Variants in CDKL3 observed in about 807,000 individuals in gnomAD.
The protein encoded by CDKL3 is cyclin-dependent kinase-like 3.
Under a neutral mutation model 69.3 loss-of-function variants are expected in CDKL3, and 65 were observed. The observed-to-expected ratio is 0.94, with a 90% CI of 0.77 to 1.15. The LOEUF is 1.15. Ranked by LOEUF, CDKL3 falls within the 50% of genes most tolerant of loss-of-function variation. The pLI is 0.00. For missense variants in CDKL3, 652 were observed against 689.2 expected, an observed-to-expected ratio of 0.95 and a Z score of 0.61; for synonymous variants, 202 against 221.6, an observed-to-expected ratio of 0.91 and a Z score of 0.79.
chr5:134,308,363 C>T lies in CDKL3; in HGVS notation c.1139G>A (p.Gly380Asp), dbSNP rs1768460555. 1.2e-6 allele frequency: 2 copies of T among 1,613,114 alleles called. No individual in the cohort carries two copies. The highest frequency in any genetic ancestry group is 1.7e-6 in the Non-Finnish European group (2 of 1,179,182). The change falls in exon 9 of 13, where the codon GGT (glycine) becomes GAT (aspartate). Residue 380 changes from glycine (G) to aspartate (D), a missense_variant. By Grantham distance (94) the Gly-to-Asp change is moderately conservative. Coordinates refer to ENST00000265334, the MANE Select transcript of CDKL3 (RefSeq NM_001113575.2). ...ATTTGCATCCTGTTGACCAAGTCCA[C>T]CTTCATACTCTTTCTTTTTTGGTTC... ...ISEPKKKEYEGGLGQQDANEN... is the reference protein window; with the variant it reads ...ISEPKKKEYEDGLGQQDANEN...
At chr5:134,306,223 G>A (rs961446562) in intron 10 of CDKL3, among the ~76,000 whole-genome samples, 5 of 152,074 alleles carry the variant, frequency 3.3e-5, no homozygotes, top group South Asian at 2.1e-4. Context: ...GGCTGGGTGC[G>A]TTGGCTCACA....
upstream of CDKL3, among the ~76,000 whole-genome samples, chr5:134,368,703 A>G (rs1757990878): frequency 2.0e-5 from 3 of 151,748 alleles, no homozygotes; most frequent in African/African-American, 7.3e-5. Flanking sequence ...AGTAAATCTT[A>G]TAGTGGGCTC....
chr5:134,366,650 G>T, intron 1 of CDKL3, 106 bp from the exon 2 acceptor site: 2 of 733,256 alleles, frequency 2.7e-6, no homozygotes, highest in Non-Finnish European at 4.2e-6. Context: ...CTCAAATATA[G>T]AGACATTAAA....
intron 7 of CDKL3, among the ~76,000 whole-genome samples, chr5:134,310,055 T>C (rs1052954266): frequency 6.6e-6 from 1 of 152,278 alleles, no homozygotes; most frequent in Non-Finnish European, 1.5e-5. Flanking sequence ...GGTCTTGAAC[T>C]CCTACGTTCA....
At chr5:134,332,647 G>C (rs1433068478) in intron 4 of CDKL3, among the ~76,000 whole-genome samples, 1 of 152,128 alleles carries the variant, frequency 6.6e-6, no homozygotes, top group Non-Finnish European at 1.5e-5. Context: ...TGTTCCATTG[G>C]TCTATATATC....
intron 6 of CDKL3, among the ~76,000 whole-genome samples, chr5:134,316,527 G>A (rs1274007533): frequency 6.6e-6 from 1 of 151,978 alleles, no homozygotes; most frequent in African/African-American, 2.4e-5. Context: ...AACCCTGGAG[G>A]CGGAGGTTGC....
chr5:134,360,151 A>G, intron 2 of CDKL3, 60 bp from the exon 3 acceptor site: 1 of 1,118,892 alleles, frequency 8.9e-7, no homozygotes, highest in Non-Finnish European at 1.3e-6. Flanking sequence ...ATTTGTACAT[A>G]TAACGTGTAA....
chr5:134,362,789 C>T (rs568488553), intron 2 of CDKL3, among the ~76,000 whole-genome samples: 4 of 151,836 alleles, frequency 2.6e-5, no homozygotes, highest in Middle Eastern at 3.4e-3. Context: ...ATTAGCTGGG[C>T]GTGGTCGTAC....
chr5:134,319,273 T>C (rs1042510175), intron 6 of CDKL3, 85 bp downstream of exon 6: 26 of 1,024,522 alleles, frequency 2.5e-5, no homozygotes, highest in Non-Finnish European at 3.3e-5. Context: ...GAGGTTGCAG[T>C]GAGCCGAGAT....
At chr5:134,347,268 G>A (rs910748822) in intron 4 of CDKL3, among the ~76,000 whole-genome samples, 1 of 151,414 alleles carries the variant, frequency 6.6e-6, no homozygotes, top group Non-Finnish European at 1.5e-5. Context: ...GCAAAGACAT[G>A]GAGACACTGA....
chr5:134,329,746 G>A (rs1468970503), intron 4 of CDKL3, among the ~76,000 whole-genome samples: 1 of 152,094 alleles, frequency 6.6e-6, no homozygotes, highest in African/African-American at 2.4e-5. Flanking sequence ...TGGGATTACA[G>A]GCGTGAGCCA....
intron 4 of CDKL3, among the ~76,000 whole-genome samples, chr5:134,337,228 T>C (rs757890983): frequency 1.8e-4 from 27 of 151,992 alleles, no homozygotes; most frequent in Non-Finnish European, 3.4e-4. Flanking sequence ...TGGGTAGGAG[T>C]GTAATGTTCC....
chr5:134,332,856 T>C (rs1313637517), intron 4 of CDKL3, among the ~76,000 whole-genome samples: 1 of 152,232 alleles, frequency 6.6e-6, no homozygotes, highest in Non-Finnish European at 1.5e-5. Context: ...TTTTTGGGGA[T>C]AGCATTGAAT....
At chr5:134,287,158 C>T (rs899057952) in intron 8 of CDKL3, among the ~76,000 whole-genome samples, 7 of 151,904 alleles carry the variant, frequency 4.6e-5, no homozygotes, top group South Asian at 2.1e-4. Flanking sequence ...AAAGAAGGCG[C>T]GCTTTGAGGA....
upstream of CDKL3, chr5:134,371,365 C>T: frequency 1.6e-6 from 1 of 634,670 alleles, no homozygotes; most frequent in Non-Finnish European, 2.7e-6. Context: ...AGGCGCGCTC[C>T]CGCGTCCCGC....
chr5:134,308,506 T>C, intron 8 of CDKL3, 40 bp from the exon 9 acceptor site: 1 of 1,557,652 alleles, frequency 6.4e-7, no homozygotes, highest in Non-Finnish European at 8.6e-7. Flanking sequence ...ATCATAACAG[T>C]TATTTTTGTC....
intron 10 of CDKL3, 29 bp downstream of exon 10, chr5:134,306,580 A>G (rs1767896278): frequency 2.4e-6 from 3 of 1,250,664 alleles, no homozygotes; most frequent in Non-Finnish European, 3.5e-6. Flanking sequence ...AAAAGAGGCC[A>G]TATTTTAATG....
intron 2 of CDKL3, among the ~76,000 whole-genome samples, chr5:134,360,795 G>A (rs1437317599): frequency 6.6e-6 from 1 of 152,124 alleles, no homozygotes; most frequent in African/African-American, 2.4e-5. Flanking sequence ...GATTAAGTAT[G>A]TGATCTGAAT....
At chr5:134,288,872 A>G (rs2149403450) in intron 8 of CDKL3, among the ~76,000 whole-genome samples, 1 of 152,322 alleles carries the variant, frequency 6.6e-6, no homozygotes, top group Admixed American at 6.5e-5. Flanking sequence ...CTTCTAACTC[A>G]GGTAATCTGA....
Sources: allele counts gnomAD v4.1 joint callset (sites outside exome capture counted in the v4.1 genomes callset), GRCh38; gene constraint gnomAD v4.1.1; transcripts MANE v1.5; gene names NCBI Gene and HGNC (gene_info 2026-07-23, HGNC 2026-07-21).